Variants in NCR1 observed in about 807,000 individuals in gnomAD.
NCR1 encodes the protein NK cell-activating receptor.
A neutral mutation model predicts 32.5 loss-of-function variants in NCR1; 30 were observed. The observed-to-expected ratio is 0.92, with a 90% CI of 0.69 to 1.25. The LOEUF is 1.25. Ranked by LOEUF, NCR1 falls within the 50% of genes most tolerant of loss-of-function variation. The pLI, the probability that NCR1 is intolerant of heterozygous loss-of-function variation, is 0.00. For missense variants in NCR1, 369 were observed against 380.7 expected (o/e 0.97, Z 0.26); for synonymous variants, 169 against 143.4 (o/e 1.18, Z -1.28).
At chr19:54,908,840 G>A (rs2067785312) in intron 3 of NCR1, among the ~76,000 whole-genome samples, 1 of 151,928 alleles carries the variant, frequency 6.6e-6, no homozygotes, top group African/African-American at 2.4e-5. Flanking sequence ...ATGTTGACCA[G>A]GCTGGTCTCA....
At chr19:54,936,028 G>A in the NCR1 span, among the ~76,000 whole-genome samples, 1 of 152,138 alleles carries the variant, frequency 6.6e-6, no homozygotes, top group African/African-American at 2.4e-5. Flanking sequence ...CCCTAAAGCT[G>A]GAACCCAGCA....
the NCR1 span, among the ~76,000 whole-genome samples, chr19:54,927,967 C>T: frequency 6.6e-6 from 1 of 152,130 alleles, no homozygotes; most frequent in African/African-American, 2.4e-5. Flanking sequence ...GGGACAGACA[C>T]CTGTAGCCCC....
downstream of NCR1, among the ~76,000 whole-genome samples, chr19:54,920,871 C>T (rs770925974): frequency 8.6e-5 from 13 of 151,936 alleles, no homozygotes; most frequent in Non-Finnish European, 1.9e-4. Context: ...TTTGGGAGGC[C>T]GAGGCGGGTG....
chr19:54,936,305 C>T, the NCR1 span: 4 of 1,613,966 alleles, frequency 2.5e-6, no homozygotes, highest in South Asian at 1.1e-5. Context: ...GCAGGTCACA[C>T]AGCATCAGCA....
chr19:54,930,457 G>A, the NCR1 span: 1 of 1,419,694 alleles, frequency 7.0e-7, no homozygotes, highest in Middle Eastern at 1.9e-4. Context: ...GCAAGACCCT[G>A]TCTCAAAAAA....
downstream of NCR1, among the ~76,000 whole-genome samples, chr19:54,914,091 A>T (rs574715368): frequency 6.6e-6 from 1 of 151,170 alleles, no homozygotes; most frequent in African/African-American, 2.4e-5. Context: ...AAAAAAAAAA[A>T]TAAGTGACTC....
At chr19:54,919,679 C>T (rs1244985528), downstream of NCR1, among the ~76,000 whole-genome samples, 210 of 149,580 alleles carry the variant, frequency 1.4e-3, no homozygotes, top group South Asian at 3.4e-3. Context: ...GGTGGAGGAG[C>T]AGAGTCTTCT....
At chr19:54,921,772 C>CAAAAAAAA in the NCR1 span, among the ~76,000 whole-genome samples, 1 of 93,964 alleles carries the variant, frequency 1.1e-5, no homozygotes, top group Non-Finnish European at 2.1e-5. Context: ...GACTCCATCT[C>CAAAAAAAA]AAAAAAAAAA....
At position 54,911,479 on chromosome 19, in the gene NCR1, G is replaced by C. The variant is rs587703916; in HGVS notation, c.683-689G>C. Among the ~76,000 whole-genome samples, 4 of 152,152 alleles carry C rather than the reference G, an allele frequency of 2.6e-5. No homozygotes were observed. The South Asian group carries it at 8.3e-4, about 32-fold the overall frequency. ...GCTTAAATAGAAGACGGGCTGGGCC[G>C]GGTGGCTCCTGCATGTAATCCCAGC... On this transcript the variant is annotated intron_variant, in intron 5 of 6. Coordinates refer to ENST00000291890, the MANE Select transcript of NCR1 (RefSeq NM_004829.7).
At chr19:54,900,814 G>GGGC in the NCR1 span, among the ~76,000 whole-genome samples, 1 of 152,190 alleles carries the variant, frequency 6.6e-6, no homozygotes, top group Admixed American at 6.5e-5. Flanking sequence ...TCGTGGTGAT[G>GGGC]GGCAGCTGGT....
the NCR1 span, chr19:54,933,875 A>G: frequency 1.3e-6 from 1 of 776,204 alleles, no homozygotes; most frequent in African/African-American, 1.7e-5. Flanking sequence ...TGTGGGAGTC[A>G]TCATGGCCAC....
upstream of NCR1, among the ~76,000 whole-genome samples, chr19:54,903,387 TAC>T (rs2067349993): frequency 7.1e-6 from 1 of 139,932 alleles, no homozygotes; most frequent in Admixed American, 7.1e-5. Flanking sequence ...TGTATGTATA[TAC>T]ATATATGTAT....
At chr19:54,915,306 T>G (rs1379099161), downstream of NCR1, among the ~76,000 whole-genome samples, 1 of 152,148 alleles carries the variant, frequency 6.6e-6, no homozygotes, top group Non-Finnish European at 1.5e-5. Context: ...AAATGCTGTC[T>G]GGACACCACC....
At chr19:54,933,766 A>G in the NCR1 span, 1 of 1,600,726 alleles carries the variant, frequency 6.2e-7, no homozygotes, top group East Asian at 2.2e-5. Flanking sequence ...CAAATGGTAG[A>G]AGGATGAGAA....
chr19:54,910,051 A>T lies in NCR1; in HGVS notation c.668A>T (p.Asp223Val). ...DIENTSLAPE[D>V]PTFPADTWGT... The stretch of plus-strand genomic sequence containing the variant: ...GAGAACACCAGCCTTGCACCTGAAG[A>T]CCCCACCTTTCCTGGTGAGTAACTG... The change falls in exon 5 of 7, where the codon GAC becomes GTC. Residue 223 changes from aspartate to valine, a missense_variant. Transcript: ENST00000291890. 6.2e-7 allele frequency: 1 copy of T among 1,613,780 alleles called. No homozygotes were observed. Among genetic ancestry groups the T allele is most frequent in the Non-Finnish European group, 8.5e-7 (1 of 1,179,950 alleles).
downstream of NCR1, among the ~76,000 whole-genome samples, chr19:54,916,632 C>T (rs138349187): frequency 2.0e-5 from 3 of 150,488 alleles, no homozygotes; most frequent in Non-Finnish European, 4.4e-5. Flanking sequence ...TGACCAACAT[C>T]TTCCTCTCCT....
At chr19:54,934,421 G>A in the NCR1 span, 1 of 1,524,700 alleles carries the variant, frequency 6.6e-7, no homozygotes, top group African/African-American at 1.4e-5. The surrounding 1 kb of genome is among the most constrained non-coding windows in gnomAD (Gnocchi z 6.7). Context: ...CAGTAAGTCA[G>A]GTGTTACCCT....
upstream of NCR1, among the ~76,000 whole-genome samples, chr19:54,903,920 G>A (rs2067384486): frequency 6.6e-6 from 1 of 151,540 alleles, no homozygotes; most frequent in African/African-American, 2.4e-5. Context: ...GAGGTGAGGA[G>A]TTGGAGACCA....
the NCR1 span, among the ~76,000 whole-genome samples, chr19:54,923,144 G>A: frequency 4.6e-5 from 7 of 152,152 alleles, no homozygotes; most frequent in Non-Finnish European, 1.0e-4. Flanking sequence ...CATGGCCCAC[G>A]AGCTGTTTCT....
Sources: allele counts gnomAD v4.1 joint callset (sites outside exome capture counted in the v4.1 genomes callset), GRCh38; gene constraint gnomAD v4.1.1; non-coding constraint Gnocchi (gnomAD v3.1); transcripts MANE v1.5; gene names NCBI Gene and HGNC (gene_info 2026-07-23, HGNC 2026-07-21).